ARHGAP42: variants seen among roughly 807,000 people sequenced by gnomAD.
The protein encoded by ARHGAP42 is Rho GTPase activating protein 42.
A neutral mutation model predicts 125.0 loss-of-function variants in ARHGAP42; 63 were observed. The ratio of observed to expected loss-of-function variants is 0.50; its 90% CI spans 0.41 to 0.62. The LOEUF (loss-of-function observed/expected upper bound fraction) is 0.62, where lower values mean the gene tolerates loss of function less well. ARHGAP42 is among the 20% of genes least tolerant of loss of function. The pLI is 0.00. For missense variants in ARHGAP42, 766 were observed against 1,024.2 expected, an observed-to-expected ratio of 0.75 and a Z score of 3.44; for synonymous variants, 339 against 351.0, an observed-to-expected ratio of 0.97 and a Z score of 0.38.
In ARHGAP42 at chr11:100,960,896, T is replaced by C; in HGVS notation, c.1226-19T>C. The C allele has an allele frequency of 6.8e-7, 1 of 1,470,912 alleles. No homozygotes were observed. Among genetic ancestry groups the C allele is most frequent in the Non-Finnish European group, 9.1e-7 (1 of 1,098,048 alleles). The allele number at this position is 1,470,912 out of a possible 1,614,324, so 91.1% of individuals were successfully genotyped here. A position where few individuals can be genotyped will look rare whatever the true frequency, so the allele number is the denominator to read the frequency against. On this transcript the variant is annotated intron_variant, in intron 13 of 23. Coordinates refer to ENST00000298815, the MANE Select transcript of ARHGAP42 (RefSeq NM_152432.4). ...AGCTGTATCTCAAGCCGTTTTCTTG[T>C]GATTTTCCTTCCTATTAGGTATCAC...
rs184586099 is a variant in ARHGAP42, at chr11:100,725,196, G to A, written c.154+37364G>A. Among the ~76,000 whole-genome samples the A allele has an allele frequency of 8.8e-4, 131 of 149,492 alleles. 1 individual carries two copies. Among genetic ancestry groups the A allele is most frequent in the Non-Finnish European group, 1.6e-3 (107 of 67,592 alleles). On this transcript the variant is annotated intron_variant, in intron 1 of 23. Coordinates refer to ENST00000298815, the MANE Select transcript of ARHGAP42 (RefSeq NM_152432.4). ...TTTCCTTTTTTTTTTTTTGGAGACA[G>A]AGTCTTGCTCTGTAGCCAGGCCGGA... is the stretch of plus-strand genomic sequence containing the variant.
At chr11:100,882,318 G>T (rs149951013) in intron 4 of ARHGAP42, among the ~76,000 whole-genome samples, 13 of 152,212 alleles carry the variant, frequency 8.5e-5, no homozygotes, top group Admixed American at 2.0e-4. Flanking sequence ...GCTGGATTTT[G>T]TTGAATGGTT....
At chr11:100,731,018 T>G (rs1046019256) in intron 1 of ARHGAP42, among the ~76,000 whole-genome samples, 1 of 152,264 alleles carries the variant, frequency 6.6e-6, no homozygotes, top group African/African-American at 2.4e-5. Context: ...TTTTGGCTTT[T>G]GCTATATGAT....
At chr11:100,869,244 T>C (rs1865644160) in intron 4 of ARHGAP42, among the ~76,000 whole-genome samples, 1 of 151,934 alleles carries the variant, frequency 6.6e-6, no homozygotes, top group South Asian at 2.1e-4. Context: ...AAGTAGAAGG[T>C]ATCATCATTT....
intron 4 of ARHGAP42, among the ~76,000 whole-genome samples, chr11:100,870,046 T>C (rs1336862271): frequency 6.6e-6 from 1 of 152,210 alleles, no homozygotes; most frequent in Non-Finnish European, 1.5e-5. Context: ...CTCATTTATG[T>C]CATTCTTGAC....
chr11:100,880,532 C>T (rs1350598684), intron 4 of ARHGAP42, among the ~76,000 whole-genome samples: 1 of 152,176 alleles, frequency 6.6e-6, no homozygotes, highest in Non-Finnish European at 1.5e-5. Context: ...CGCCTTTTTG[C>T]AATTGCAATT....
intron 4 of ARHGAP42, among the ~76,000 whole-genome samples, chr11:100,906,484 A>G (rs564157377): frequency 6.6e-6 from 1 of 152,094 alleles, no homozygotes; most frequent in Admixed American, 6.5e-5. Flanking sequence ...TTTTCATTTT[A>G]TCCATGTTTT....
At chr11:100,821,911 A>AT (rs1197308255) in intron 3 of ARHGAP42, among the ~76,000 whole-genome samples, 4 of 152,092 alleles carry the variant, frequency 2.6e-5, no homozygotes, top group Admixed American at 1.3e-4. Context: ...ATGACTGGAG[A>AT]TTTAAATCAT....
intron 1 of ARHGAP42, among the ~76,000 whole-genome samples, chr11:100,751,282 T>TC (rs1862448998): frequency 1.1e-5 from 1 of 92,246 alleles, no homozygotes; most frequent in Non-Finnish European, 2.2e-5. Context: ...TGTGTGTGTT[T>TC]TTTTTTTTTT....
chr11:100,893,759 A>T (rs1044392613), intron 4 of ARHGAP42, among the ~76,000 whole-genome samples: 1 of 152,150 alleles, frequency 6.6e-6, no homozygotes, highest in Non-Finnish European at 1.5e-5. Context: ...AGCTTTTAGG[A>T]ATTTTCCTAA....
At chr11:100,815,698 G>C (rs935736260) in intron 3 of ARHGAP42, among the ~76,000 whole-genome samples, 4 of 152,120 alleles carry the variant, frequency 2.6e-5, no homozygotes, top group African/African-American at 9.7e-5. Context: ...AGTTTTAAGT[G>C]AACAGTGGAG....
intron 3 of ARHGAP42, among the ~76,000 whole-genome samples, chr11:100,853,632 C>T (rs560231022): frequency 2.6e-5 from 4 of 152,216 alleles, no homozygotes; most frequent in African/African-American, 9.6e-5. Context: ...TCTCCTCTCC[C>T]ACTTCCTCTG....
chr11:100,915,090 A>G (rs1312771813), intron 5 of ARHGAP42, among the ~76,000 whole-genome samples: 1 of 152,164 alleles, frequency 6.6e-6, no homozygotes, highest in Non-Finnish European at 1.5e-5. Flanking sequence ...AATTTAATAT[A>G]TAATTATGTG....
chr11:100,827,407 A>C (rs916417248), intron 3 of ARHGAP42, among the ~76,000 whole-genome samples: 7 of 152,152 alleles, frequency 4.6e-5, no homozygotes, highest in Non-Finnish European at 1.0e-4. Context: ...CTGGTATGCA[A>C]CTCATACTTT....
At chr11:100,894,135 C>G (rs770577875) in intron 4 of ARHGAP42, among the ~76,000 whole-genome samples, 19 of 152,162 alleles carry the variant, frequency 1.2e-4, no homozygotes, top group Non-Finnish European at 2.5e-4. Flanking sequence ...AATTTTCAGT[C>G]AGCTATACTT....
At chr11:100,705,518 G>C (rs1861469250) in intron 1 of ARHGAP42, among the ~76,000 whole-genome samples, 1 of 152,122 alleles carries the variant, frequency 6.6e-6, no homozygotes, top group Admixed American at 6.6e-5. Flanking sequence ...GATTCATTGA[G>C]ATAACACATG....
chr11:100,963,662 A>G (rs1256984213), intron 16 of ARHGAP42, among the ~76,000 whole-genome samples: 1 of 152,132 alleles, frequency 6.6e-6, no homozygotes, highest in Non-Finnish European at 1.5e-5. Context: ...GAAGCTCTCC[A>G]CTCTACCTCC....
intron 2 of ARHGAP42, among the ~76,000 whole-genome samples, chr11:100,784,333 A>G (rs532750213): frequency 1.3e-5 from 2 of 152,322 alleles, no homozygotes; most frequent in Non-Finnish European, 2.9e-5. Flanking sequence ...AGGATTTTGA[A>G]TTGGATAATG....
At chr11:100,789,410 G>A (rs1396493779) in intron 2 of ARHGAP42, among the ~76,000 whole-genome samples, 1 of 152,230 alleles carries the variant, frequency 6.6e-6, no homozygotes, top group Non-Finnish European at 1.5e-5. Flanking sequence ...GTGGGTGGAT[G>A]AGTGGCAGGT....
Sources: gnomAD v4.1 joint callset for allele counts (sites outside exome capture counted in the v4.1 genomes callset) on GRCh38, gnomAD v4.1.1 for gene constraint, MANE v1.5 for transcripts, NCBI Gene and HGNC (gene_info 2026-07-23, HGNC 2026-07-21) for gene names.